MFN2: variants seen among roughly 807,000 people sequenced by gnomAD.
The protein encoded by MFN2 is mitofusin-2.
In MFN2, 43 loss-of-function variants were observed where a neutral mutation model predicts 87.5. The observed-to-expected ratio is 0.49, with a 90% CI of 0.38 to 0.63. The LOEUF is 0.63. Ranked by LOEUF, MFN2 falls within the 30% of genes least tolerant of loss-of-function variation. MFN2 has a pLI of 0.00. For synonymous variants in MFN2, 337 were observed against 359.9 expected (o/e 0.94, Z 0.72); for missense variants, 743 against 972.8 (o/e 0.76, Z 3.14).
chr1:12,001,341 G>C lies in MFN2; in HGVS notation c.817-60G>C, dbSNP rs1330680820. On this transcript the variant is annotated intron_variant, in intron 8 of 18. Transcript: ENST00000235329. ...TATGACCTATTCTTTTAATAAAAGAGGCAGGTGGGGGCTGTGGGGCCACCT... is the reference window on the plus strand; with the variant it reads ...TATGACCTATTCTTTTAATAAAAGACGCAGGTGGGGGCTGTGGGGCCACCT... 4 of 1,602,260 alleles carry C rather than the reference G, an allele frequency of 2.5e-6. No individual in the cohort carries two copies. The South Asian group carries it at 4.4e-5, about 18-fold the overall frequency.
chr1:12,009,649 C>T lies in MFN2; in HGVS notation c.2127C>T (p.Asn709=). The T allele has an allele frequency of 6.2e-7, 1 of 1,614,226 alleles. No homozygotes were observed. The change falls in exon 18 of 19, where the codon AAC becomes AAT. Residue 709 remains asparagine, a synonymous_variant. Transcript: ENST00000235329. ...AGCAAGTTGACGTCACCCGGGAGAA[C>T]CTGGAGCAGGAAATTGCCGCCATGA... ...LCQQVDVTRE[N]LEQEIAAMNK...
intron 3 of MFN2, among the ~76,000 whole-genome samples, chr1:11,991,185 G>C (rs1638657731): frequency 6.6e-6 from 1 of 152,230 alleles, no homozygotes; most frequent in South Asian, 2.1e-4. Flanking sequence ...GCAGTGCAGT[G>C]ATCCAAAGGT....
chr1:12,012,376 A>G lies in MFN2; in HGVS notation c.*811A>G, dbSNP rs946755545. The G allele has an allele frequency of 2.8e-5, 3 of 107,246 alleles. No homozygotes were observed. The highest frequency in any genetic ancestry group is 1.1e-4 in the African/African-American group (3 of 27,518). 6.6% of individuals were successfully genotyped at this position (107,246 alleles called of 1,614,324 possible). ...GTTTTGTGTAGATCTGTTTTGGAAGATGGCATGGTCTAGGTGGTTGAAGGA... is the reference window on the plus strand; with the variant it reads ...GTTTTGTGTAGATCTGTTTTGGAAGGTGGCATGGTCTAGGTGGTTGAAGGA... On this transcript the variant is annotated 3_prime_UTR_variant, in exon 19 of 19. Transcript: ENST00000235329.
chr1:11,996,409 G>T, intron 5 of MFN2, 91 bp downstream of exon 5: 1 of 1,465,220 alleles, frequency 6.8e-7, no homozygotes, highest in Non-Finnish European at 9.5e-7. Context: ...TAGGGAGGGG[G>T]CAGCACCACC....
intron 2 of MFN2, among the ~76,000 whole-genome samples, chr1:11,986,181 CCG>C (rs1638397407): frequency 1.3e-5 from 2 of 152,196 alleles, no homozygotes; most frequent in African/African-American, 4.8e-5. Context: ...TACTAAAAGT[CCG>C]TTTTGGCATT....
intron 2 of MFN2, among the ~76,000 whole-genome samples, chr1:11,983,017 T>A (rs756454153): frequency 2.0e-5 from 3 of 152,208 alleles, no homozygotes; most frequent in African/African-American, 4.8e-5. Context: ...CGTGCTCCAC[T>A]GAGGAAAATG....
At chr1:11,987,351 C>G (rs1056019184) in intron 2 of MFN2, among the ~76,000 whole-genome samples, 2 of 150,224 alleles carry the variant, frequency 1.3e-5, no homozygotes, top group Non-Finnish European at 3.0e-5. Context: ...AATGTTGGGC[C>G]GGGCGTGGTG....
chr1:11,989,989 G>C (rs1017504002), intron 3 of MFN2, among the ~76,000 whole-genome samples: 1 of 152,200 alleles, frequency 6.6e-6, no homozygotes, highest in African/African-American at 2.4e-5. Flanking sequence ...TTTGGCGCCA[G>C]GTCCTGAGAT....
chr1:11,991,383 G>A (rs1638666796), intron 3 of MFN2, among the ~76,000 whole-genome samples: 1 of 152,208 alleles, frequency 6.6e-6, no homozygotes, highest in South Asian at 2.1e-4. Flanking sequence ...TCAGGTTAGA[G>A]GGGTGGTCAG....
chr1:12,002,836 A>G (rs1181585879), intron 11 of MFN2, among the ~76,000 whole-genome samples: 1 of 152,244 alleles, frequency 6.6e-6, no homozygotes, highest in Non-Finnish European at 1.5e-5. Flanking sequence ...CACCATAATC[A>G]TGAATTTACA....
intron 11 of MFN2, among the ~76,000 whole-genome samples, chr1:12,002,883 G>A (rs140923402): frequency 2.6e-5 from 4 of 152,304 alleles, no homozygotes; most frequent in South Asian, 2.1e-4. Context: ...TTACATAAAT[G>A]CTGAGGAATA....
rs1011639786 is a variant in MFN2, at chr1:12,004,527, G to A, written c.1306G>A (p.Glu436Lys). The stretch of plus-strand genomic sequence containing the variant: ...GCTGTAGGTGTCGACTGCAATGGCC[G>A]AGGAGATCAGGCGCCTCTCTGTACT... Reference protein sequence around the residue: ...VERQVSTAMAEEIRRLSVLVD... With the variant: ...VERQVSTAMAKEIRRLSVLVD... The change falls in exon 13 of 19, where the codon GAG becomes AAG. Residue 436 changes from glutamate (E) to lysine (K), a missense_variant. Coordinates refer to ENST00000235329, the MANE Select transcript of MFN2 (RefSeq NM_014874.4). The surrounding 1 kb of genome is among the most constrained non-coding windows in gnomAD (Gnocchi z 4.2). 2 of 1,614,152 alleles carry A rather than the reference G, an allele frequency of 1.2e-6. No homozygotes were observed. The highest frequency in any genetic ancestry group is 1.3e-5 in the African/African-American group (1 of 75,046).
At chr1:12,008,224 C>T (rs1489670120) in intron 17 of MFN2, among the ~76,000 whole-genome samples, 4 of 151,696 alleles carry the variant, frequency 2.6e-5, no homozygotes, top group Non-Finnish European at 5.9e-5. Flanking sequence ...TCGACAAAAC[C>T]GCCATCGTCA....
intron 4 of MFN2, among the ~76,000 whole-genome samples, chr1:11,995,543 G>C (rs554953788): frequency 2.6e-5 from 4 of 152,160 alleles, no homozygotes; most frequent in African/African-American, 9.6e-5. Context: ...TGAGGCAGGA[G>C]AATTGCTTGA....
rs1639339565 is a variant in MFN2 at position 12,004,958 on chromosome 1, G to A, written c.1495+31G>A. 1.3e-6 allele frequency: 2 copies of A among 1,555,366 alleles called. No individual in the cohort carries two copies. The highest frequency in any genetic ancestry group is 1.2e-5 in the South Asian group (1 of 86,804). On this transcript the variant is annotated intron_variant, in intron 14 of 18. Transcript: ENST00000235329. The surrounding 1 kb of genome is among the most constrained non-coding windows in gnomAD (Gnocchi z 4.2). ...TGCCCATGGGGAACTGGGCAGCTGTGGCCCTGGGCTGCCCAAAGATCAGAT... is the reference window on the plus strand; with the variant it reads ...TGCCCATGGGGAACTGGGCAGCTGTAGCCCTGGGCTGCCCAAAGATCAGAT...
Position 12,009,649 on chromosome 1 carries a change from C to G in MFN2, c.2127C>G (p.Asn709Lys). Reference sequence around the variant, plus strand: ...AGCAAGTTGACGTCACCCGGGAGAACCTGGAGCAGGAAATTGCCGCCATGA... The same window carrying G: ...AGCAAGTTGACGTCACCCGGGAGAAGCTGGAGCAGGAAATTGCCGCCATGA... ...LCQQVDVTRE[N>K]LEQEIAAMNK... Residue 709 changes from asparagine to lysine, a missense_variant, in exon 18 of 19, where the codon AAC becomes AAG. Asn to Lys is a moderately conservative substitution (Grantham distance 94, BLOSUM62 0). This residue lies in a region of MFN2 where 571 missense variants were observed against 670.7 expected (regional missense o/e 0.85). Transcript: ENST00000235329. 6.2e-7 allele frequency: 1 copy of G among 1,614,226 alleles called. No homozygotes were observed. The highest frequency in any genetic ancestry group is 8.5e-7 in the Non-Finnish European group (1 of 1,180,050).
chr1:11,996,072 G>A, intron 4 of MFN2, 84 bp from the exon 5 acceptor site: 1 of 1,567,528 alleles, frequency 6.4e-7, no homozygotes, highest in Non-Finnish European at 8.8e-7. Flanking sequence ...ATAGGGCTTT[G>A]GCCTTCCAGG....
chr1:11,998,034 C>A (rs1314226593), intron 6 of MFN2, among the ~76,000 whole-genome samples: 1 of 151,312 alleles, frequency 6.6e-6, no homozygotes, highest in East Asian at 2.0e-4. Flanking sequence ...CAGGTGCCCG[C>A]CACCATGCCT....
At chr1:11,982,397 T>C (rs1274805100) in intron 2 of MFN2, 2 of 152,326 alleles carry the variant, frequency 1.3e-5, no homozygotes, top group Non-Finnish European at 2.9e-5. Flanking sequence ...TCTGCTGTGC[T>C]GGCTCTTCCC....
Sources: gnomAD v4.1 joint callset for allele counts (sites outside exome capture counted in the v4.1 genomes callset) on GRCh38, gnomAD v4.1.1 for gene constraint, gnomAD v4.1.1 regional missense constraint, Gnocchi (gnomAD v3.1) non-coding constraint, MANE v1.5 for transcripts, NCBI Gene and HGNC (gene_info 2026-07-23, HGNC 2026-07-21) for gene names.